PDE1A: variants seen among roughly 807,000 people sequenced by gnomAD.
The protein encoded by PDE1A is phosphodiesterase 1A.
In PDE1A, 35 loss-of-function variants were observed where a neutral mutation model predicts 61.7. The observed-to-expected ratio is 0.57, with a 90% confidence interval of 0.43 to 0.75. The LOEUF (loss-of-function observed/expected upper bound fraction) is 0.75, where lower values mean the gene tolerates loss of function less well. PDE1A is among the 30% of genes least tolerant of loss of function. The pLI is 0.00. For synonymous variants in PDE1A, 232 were observed against 213.2 expected, an observed-to-expected ratio of 1.09 and a Z score of -0.77; for missense variants, 597 against 630.6, an observed-to-expected ratio of 0.95 and a Z score of 0.57.
chr2:182,587,575 CACTA>C, the PDE1A span, among the ~76,000 whole-genome samples: 13 of 152,290 alleles, frequency 8.5e-5, no homozygotes, highest in East Asian at 5.8e-4. Flanking sequence ...CTTTTCTGTG[CACTA>C]ACTAAGAATT....
At chr2:182,497,879 G>GA (rs1388156033) in intron 2 of PDE1A, among the ~76,000 whole-genome samples, 46 of 151,120 alleles carry the variant, frequency 3.0e-4, no homozygotes, top group Admixed American at 3.0e-3. Context: ...CGTCTCTACT[G>GA]AAAAAATACA....
At chr2:182,453,399 T>A (rs917173440) in intron 2 of PDE1A, among the ~76,000 whole-genome samples, 1 of 151,968 alleles carries the variant, frequency 6.6e-6, no homozygotes, top group African/African-American at 2.4e-5. Context: ...CGATTTGGTC[T>A]ACTTATTTTC....
intron 1 of PDE1A, among the ~76,000 whole-genome samples, chr2:182,419,240 ACTT>A (rs755271693): frequency 3.3e-5 from 5 of 152,078 alleles, no homozygotes; most frequent in Non-Finnish European, 5.9e-5. Context: ...AGGATTATAT[ACTT>A]CATCTATTCT....
the PDE1A span, among the ~76,000 whole-genome samples, chr2:182,682,647 G>T: frequency 1.3e-5 from 2 of 152,092 alleles, no homozygotes; most frequent in Admixed American, 6.6e-5. Flanking sequence ...TAATTGGGCT[G>T]GTTTCAATAT....
At chr2:182,648,302 T>C in the PDE1A span, among the ~76,000 whole-genome samples, 1 of 151,828 alleles carries the variant, frequency 6.6e-6, no homozygotes, top group East Asian at 1.9e-4. Flanking sequence ...GGAGTCAGAA[T>C]AGGAGCTCTG....
intron 1 of PDE1A, among the ~76,000 whole-genome samples, chr2:182,301,825 T>G (rs571508678): frequency 6.6e-6 from 1 of 152,278 alleles, no homozygotes; most frequent in Non-Finnish European, 1.5e-5. Context: ...AACCAGGGGC[T>G]CAAGCCCCTC....
At chr2:182,553,697 G>A in the PDE1A span, among the ~76,000 whole-genome samples, 1 of 152,210 alleles carries the variant, frequency 6.6e-6, no homozygotes, top group African/African-American at 2.4e-5. Context: ...GAGGAGTTGA[G>A]AGACTTCTCA....
the PDE1A span, among the ~76,000 whole-genome samples, chr2:182,710,954 C>T: frequency 6.6e-6 from 1 of 152,206 alleles, no homozygotes; most frequent in Non-Finnish European, 1.5e-5. Flanking sequence ...TGTTGCTCTC[C>T]TCCAACATAT....
upstream of PDE1A, among the ~76,000 whole-genome samples, chr2:182,525,079 G>A (rs1264336724): frequency 1.3e-5 from 2 of 151,904 alleles, no homozygotes; most frequent in East Asian, 3.9e-4. Flanking sequence ...TACAATTTTT[G>A]TCTGTTTCTT....
intron 2 of PDE1A, among the ~76,000 whole-genome samples, chr2:182,434,853 A>C (rs562522578): frequency 6.6e-6 from 1 of 152,202 alleles, no homozygotes; most frequent in East Asian, 1.9e-4. Context: ...ATTCAATAAC[A>C]AAATACACAA....
chr2:182,559,993 T>C, the PDE1A span, among the ~76,000 whole-genome samples: 1 of 151,652 alleles, frequency 6.6e-6, no homozygotes, highest in Non-Finnish European at 1.5e-5. Flanking sequence ...GGAAGGTAGT[T>C]TGTGGGGGAA....
At chr2:182,545,767 C>A in the PDE1A span, among the ~76,000 whole-genome samples, 2 of 152,292 alleles carry the variant, frequency 1.3e-5, no homozygotes, top group African/African-American at 4.8e-5. Context: ...AAGGCCAAAT[C>A]TGTGATCTTT....
intron 13 of PDE1A, among the ~76,000 whole-genome samples, chr2:182,176,854 C>T (rs1212888852): frequency 9.8e-4 from 147 of 150,574 alleles, no homozygotes; most frequent in African/African-American, 3.3e-3. Context: ...TTTTGAAATA[C>T]GTCCCATCAA....
At chr2:182,334,609 AT>A (rs1486060766) in intron 1 of PDE1A, among the ~76,000 whole-genome samples, 2 of 152,202 alleles carry the variant, frequency 1.3e-5, no homozygotes, top group Non-Finnish European at 2.9e-5. Flanking sequence ...TGAACTAGGT[AT>A]TGATGGAATG....
At chr2:182,308,231 T>C (rs143005331) in intron 1 of PDE1A, among the ~76,000 whole-genome samples, 3,457 of 152,142 alleles carry the variant, frequency 0.023, 72 homozygotes, top group South Asian at 0.044. Flanking sequence ...ATATAATAAC[T>C]AGGAAACATA....
chr2:182,148,246 T>C (rs1288426895), intron 13 of PDE1A, among the ~76,000 whole-genome samples: 1 of 152,174 alleles, frequency 6.6e-6, no homozygotes, highest in East Asian at 1.9e-4. Flanking sequence ...ACCTTGTTTG[T>C]TACAGAACCC....
At chr2:182,148,880 C>T (rs765165699) in intron 13 of PDE1A, among the ~76,000 whole-genome samples, 4 of 152,020 alleles carry the variant, frequency 2.6e-5, no homozygotes, top group Admixed American at 1.3e-4. Flanking sequence ...TTCCCAATAG[C>T]AGAGAAGTCT....
At chr2:182,587,043 C>T in the PDE1A span, among the ~76,000 whole-genome samples, 1 of 152,086 alleles carries the variant, frequency 6.6e-6, no homozygotes, top group East Asian at 1.9e-4. Context: ...CACTTAAGCA[C>T]ATACAAGAAA....
the PDE1A span, among the ~76,000 whole-genome samples, chr2:182,663,560 A>G: frequency 6.6e-6 from 1 of 152,230 alleles, no homozygotes; most frequent in Non-Finnish European, 1.5e-5. Flanking sequence ...TCCTTAGCAT[A>G]CTAATGCAGG....
Sources: allele counts gnomAD v4.1 joint callset (sites outside exome capture counted in the v4.1 genomes callset), GRCh38; gene constraint gnomAD v4.1.1; transcripts MANE v1.5; gene names NCBI Gene and HGNC (gene_info 2026-07-23, HGNC 2026-07-21).